OPHN1: variants seen among roughly 807,000 people sequenced by gnomAD.
OPHN1 encodes the protein oligophrenin-1.
Under a neutral mutation model 60.7 loss-of-function variants are expected in OPHN1, and 11 were observed. That is an observed-to-expected ratio of 0.18 (90% confidence interval 0.11 to 0.30). The LOEUF (loss-of-function observed/expected upper bound fraction) is 0.30. Among genes scored for constraint, OPHN1 ranks in the 10% least tolerant of loss-of-function variants. The pLI is 1.00. For missense variants in OPHN1, 449 were observed against 611.0 expected (o/e 0.73, Z 2.80); for synonymous variants, 226 against 222.6 (o/e 1.02, Z -0.14).
intron 5 of OPHN1, among the ~76,000 whole-genome samples, chrX:68,264,235 C>A (rs986632968): frequency 2.7e-5 from 3 of 111,461 alleles, no homozygotes; most frequent in Non-Finnish European, 5.6e-5. Context: ...GCAATGGCAA[C>A]AAAAGACAAA....
chrX:68,246,568 G>A lies in OPHN1; in HGVS notation c.385-11980C>T, dbSNP rs60833353. The stretch of plus-strand genomic sequence containing the variant: ...TGGCACAGAGGAGACAAGAAACCAT[G>A]GTCTTGTGGTTAGAATAGTTAGTTT... On this transcript the variant is annotated intron_variant, in intron 5 of 24. Transcript: ENST00000355520. Among the ~76,000 whole-genome samples the A allele has an allele frequency of 8.9e-5, 10 of 111,742 alleles. No homozygotes were observed. In the East Asian group the frequency reaches 2.8e-3, roughly 32 times the overall value.
rs188687187 is a variant in OPHN1, at chrX:68,332,464, G to A, written c.155-33368C>T. Among the ~76,000 whole-genome samples the A allele has an allele frequency of 5.2e-3, 587 of 111,932 alleles. 7 individuals carry two copies. Among genetic ancestry groups the A allele is most frequent in the African/African-American group, 0.018 (558 of 30,864 alleles). On this transcript the variant is annotated intron_variant, in intron 2 of 24. Transcript: ENST00000355520. ...TGGGAGAATTCCACCTTTGTGATCCGTTCTTAAAGTTATCACCAATAGTTA... is the reference window on the plus strand; with the variant it reads ...TGGGAGAATTCCACCTTTGTGATCCATTCTTAAAGTTATCACCAATAGTTA...
intron 15 of OPHN1, among the ~76,000 whole-genome samples, chrX:68,148,617 TTATGATCTGAGTTA>T (rs2147486410): frequency 9.0e-6 from 1 of 111,231 alleles, no homozygotes; most frequent in Non-Finnish European, 1.9e-5. Flanking sequence ...GGCAAGTTTA[TTATGATCTGAGTTA>T]TATGAAATGG....
At chrX:68,306,273 A>G (rs2078144715) in intron 2 of OPHN1, among the ~76,000 whole-genome samples, 5 of 111,691 alleles carry the variant, frequency 4.5e-5, no homozygotes, top group African/African-American at 1.3e-4. Flanking sequence ...TCTTGCTTCC[A>G]CTTAAACTAC....
chrX:68,351,117 C>A (rs1309643208), intron 2 of OPHN1, among the ~76,000 whole-genome samples: 1 of 110,266 alleles, frequency 9.1e-6, no homozygotes, highest in Non-Finnish European at 1.9e-5. Flanking sequence ...TTAGTAGAGA[C>A]GGGGTTTCAC....
At chrX:68,322,912 T>A (rs2147663056) in intron 2 of OPHN1, among the ~76,000 whole-genome samples, 1 of 110,846 alleles carries the variant, frequency 9.0e-6, no homozygotes, top group Non-Finnish European at 1.9e-5. Flanking sequence ...GAAAAAAAAA[T>A]CTTAAAAGGT....
Position 68,355,598 on chromosome X carries a change from T to A in OPHN1, c.155-56502A>T, listed in dbSNP as rs756126126. Reference sequence around the variant, plus strand: ...CAAGATCCATATTCTTTCTGGGTCATTTCAAAAGTCATTCTTTATCTCAGA... The same window carrying A: ...CAAGATCCATATTCTTTCTGGGTCAATTCAAAAGTCATTCTTTATCTCAGA... On this transcript the variant is annotated intron_variant, in intron 2 of 24. Transcript: ENST00000355520. Among the ~76,000 whole-genome samples, 8 of 112,685 alleles carry A rather than the reference T, an allele frequency of 7.1e-5. No homozygotes were observed. The East Asian group carries it at 2.2e-3, about 31-fold the overall frequency.
At chrX:68,266,012 G>A (rs186115740) in intron 5 of OPHN1, among the ~76,000 whole-genome samples, 21 of 111,744 alleles carry the variant, frequency 1.9e-4, no homozygotes, top group African/African-American at 6.5e-4. Flanking sequence ...AAGCCTCCAA[G>A]AAATATGGGA....
intron 2 of OPHN1, among the ~76,000 whole-genome samples, chrX:68,391,604 A>G (rs915359953): frequency 3.6e-5 from 4 of 111,353 alleles, no homozygotes; most frequent in African/African-American, 1.3e-4. Context: ...CCCAGAACCT[A>G]TGAATGTGTT....
chrX:68,378,150 G>A (rs755549326), intron 2 of OPHN1, among the ~76,000 whole-genome samples: 169 of 112,263 alleles, frequency 1.5e-3, no homozygotes, highest in African/African-American at 5.3e-3. Flanking sequence ...GTATCTCATT[G>A]TGGTTTTGAT....
At chrX:68,388,840 C>T (rs1482730921) in intron 2 of OPHN1, among the ~76,000 whole-genome samples, 1 of 110,728 alleles carries the variant, frequency 9.0e-6, no homozygotes, top group African/African-American at 3.3e-5. Flanking sequence ...AAAATAAAAA[C>T]AAACTGAATT....
At chrX:68,287,578 T>C (rs958549006) in intron 3 of OPHN1, among the ~76,000 whole-genome samples, 1 of 111,510 alleles carries the variant, frequency 9.0e-6, no homozygotes, top group African/African-American at 3.3e-5. Context: ...CTGTGAGTGA[T>C]ATTTCTCAAA....
At chrX:68,390,237 A>G (rs1240732391) in intron 2 of OPHN1, among the ~76,000 whole-genome samples, 1 of 111,591 alleles carries the variant, frequency 9.0e-6, no homozygotes, top group Non-Finnish European at 1.9e-5. Context: ...CTATATCAGT[A>G]CGTAAAGCAC....
At chrX:68,217,788 T>G (rs1276995006) in intron 6 of OPHN1, among the ~76,000 whole-genome samples, 29 of 106,489 alleles carry the variant, frequency 2.7e-4, no homozygotes, top group African/African-American at 8.6e-4. Context: ...TACATCACCA[T>G]CATCAAACAC....
At chrX:68,133,566 T>C (rs1368405800) in intron 15 of OPHN1, 12 of 395,947 alleles carry the variant, frequency 3.0e-5, no homozygotes, top group Non-Finnish European at 5.8e-5. Flanking sequence ...TAAACGTTTC[T>C]GTAGGTCCAT....
intron 5 of OPHN1, among the ~76,000 whole-genome samples, chrX:68,263,987 C>T (rs866819811): frequency 3.0e-4 from 33 of 111,557 alleles, no homozygotes; most frequent in Middle Eastern, 4.7e-3. Context: ...TAGTACTCAG[C>T]GGACAAATAT....
intron 2 of OPHN1, among the ~76,000 whole-genome samples, chrX:68,341,154 C>A (rs1777920993): frequency 9.2e-6 from 1 of 108,572 alleles, no homozygotes; most frequent in African/African-American, 3.4e-5. Flanking sequence ...CATATCTAAG[C>A]AATAACTGCT....
At chrX:68,393,891 T>TTTTTTG (rs2078667748) in intron 2 of OPHN1, among the ~76,000 whole-genome samples, 1 of 67,110 alleles carries the variant, frequency 1.5e-5, no homozygotes, top group Non-Finnish European at 3.0e-5. Context: ...CTTTGTTTTT[T>TTTTTTG]TTTTTTTTTT....
At chrX:68,321,046 C>T (rs1764635480) in intron 2 of OPHN1, among the ~76,000 whole-genome samples, 1 of 111,692 alleles carries the variant, frequency 9.0e-6, no homozygotes. Flanking sequence ...GCTCTACAAA[C>T]CCAGTTCTTT....
Sources: gnomAD v4.1 joint callset for allele counts (sites outside exome capture counted in the v4.1 genomes callset) on GRCh38, gnomAD v4.1.1 for gene constraint, MANE v1.5 for transcripts, NCBI Gene and HGNC (gene_info 2026-07-23, HGNC 2026-07-21) for gene names.